Variants in ANKRD17 observed in about 807,000 individuals in gnomAD.
The protein encoded by ANKRD17 is ankyrin repeat domain 17, also known as ankyrin repeat domain-containing protein 17.
Under a neutral mutation model 229.7 loss-of-function variants are expected in ANKRD17, and 19 were observed. That is an observed-to-expected ratio of 0.08 (90% confidence interval 0.06 to 0.12). The LOEUF is 0.12. Ranked by LOEUF, ANKRD17 falls within the 10% of genes least tolerant of loss-of-function variation. The pLI, the probability that ANKRD17 is intolerant of heterozygous loss-of-function variation, is 1.00. For synonymous variants in ANKRD17, 1,112 were observed against 1,146.1 expected (o/e 0.97, Z 0.60); for missense variants, 2,176 against 3,176.8 (o/e 0.68, Z 7.57).
chr4:73,169,503 T>C (rs956706525), intron 2 of ANKRD17, among the ~76,000 whole-genome samples: 2 of 151,640 alleles, frequency 1.3e-5, no homozygotes, highest in African/African-American at 4.8e-5. Context: ...GCTTCACCAC[T>C]GAGATAGATG....
In ANKRD17 at chr4:73,184,120, A is replaced by G. The variant is rs1455588806; in HGVS notation, c.394-6587T>C. On this transcript the variant is annotated intron_variant, in intron 1 of 33. Coordinates refer to ENST00000358602, the MANE Select transcript of ANKRD17 (RefSeq NM_032217.5). ...TGCGGGGTCATTTGGACCAACTGTC[A>G]TCGTTAGCATTACATTTCAAACTAC... 2.0e-5 allele frequency among the ~76,000 whole-genome samples: 3 copies of G among 152,238 alleles called. No individual in the cohort carries two copies. The East Asian group carries it at 5.8e-4, about 29-fold the overall frequency.
In ANKRD17 at chr4:73,140,407, G is replaced by A. The variant is rs1729450076; in HGVS notation, c.2333-124C>T. ...AATCATATCCATAACAGGTGAAAAT[G>A]CACTGTTAAAAAATTAAAAACAAAT... On this transcript the variant is annotated intron_variant, in intron 14 of 33. Coordinates refer to ENST00000358602, the MANE Select transcript of ANKRD17 (RefSeq NM_032217.5). 4 of 943,520 alleles carry A rather than the reference G, an allele frequency of 4.2e-6. No homozygotes were observed. In the South Asian group the frequency reaches 1.0e-4, roughly 24 times the overall value. The allele number at this position is 943,520 out of a possible 1,614,324, so 58.4% of individuals were successfully genotyped here.
intron 7 of ANKRD17, among the ~76,000 whole-genome samples, chr4:73,150,527 A>G (rs1250170400): frequency 1.3e-5 from 2 of 152,208 alleles, no homozygotes; most frequent in African/African-American, 2.4e-5. Context: ...AAAAGCTTAG[A>G]AAAACTTTTA....
intron 1 of ANKRD17, among the ~76,000 whole-genome samples, chr4:73,187,138 T>G (rs576679573): frequency 6.6e-5 from 10 of 152,180 alleles, no homozygotes; most frequent in Non-Finnish European, 1.2e-4. Flanking sequence ...CTAGAAGATA[T>G]CTGTGCAATT....
At chr4:73,153,739 C>T in intron 6 of ANKRD17, 141 bp downstream of exon 6, 1 of 519,748 alleles carries the variant, frequency 1.9e-6, no homozygotes, top group Non-Finnish European at 3.1e-6. Context: ...CAAACTGCAA[C>T]ACTGCAAACA....
chr4:73,090,518 C>T (rs985661783), intron 29 of ANKRD17, 149 bp downstream of exon 29: 7 of 992,278 alleles, frequency 7.1e-6, no homozygotes, highest in Non-Finnish European at 1.0e-5. Context: ...TAACACCATA[C>T]TAAACACAAA....
intron 11 of ANKRD17, among the ~76,000 whole-genome samples, chr4:73,144,180 A>T (rs903971713): frequency 1.5e-4 from 23 of 152,224 alleles, no homozygotes; most frequent in African/African-American, 5.3e-4. Context: ...TAAAGAAAGT[A>T]ATAATATACT....
intron 1 of ANKRD17, among the ~76,000 whole-genome samples, chr4:73,237,185 T>A (rs896769606): frequency 3.3e-5 from 5 of 152,178 alleles, no homozygotes; most frequent in Admixed American, 1.3e-4. Context: ...AATCTTAACA[T>A]TCTAGGTTGC....
intron 1 of ANKRD17, among the ~76,000 whole-genome samples, chr4:73,231,633 T>G (rs755946568): frequency 6.6e-6 from 1 of 152,212 alleles, no homozygotes; most frequent in Non-Finnish European, 1.5e-5. Context: ...CTATAATCCT[T>G]AGAATCTTCA....
chr4:73,207,259 TATA>T (rs1156905583), intron 1 of ANKRD17, among the ~76,000 whole-genome samples: 1 of 152,108 alleles, frequency 6.6e-6, no homozygotes, highest in African/African-American at 2.4e-5. Flanking sequence ...CAAAAATATA[TATA>T]ATATTTGTCA....
chr4:73,146,578 A>G (rs998232591), intron 10 of ANKRD17, among the ~76,000 whole-genome samples, 186 bp downstream of exon 10: 1 of 152,092 alleles, frequency 6.6e-6, no homozygotes, highest in Non-Finnish European at 1.5e-5. Flanking sequence ...GAATAACCCT[A>G]TTAAGGATGG....
At chr4:73,161,447 C>T (rs1170158834) in intron 2 of ANKRD17, 99 bp from the exon 3 acceptor site, 2 of 1,226,196 alleles carry the variant, frequency 1.6e-6, no homozygotes, top group African/African-American at 3.0e-5. Context: ...TAACAAATAA[C>T]CTCCAAATGG....
intron 2 of ANKRD17, among the ~76,000 whole-genome samples, chr4:73,171,173 A>AGGGG (rs765362233): frequency 3.1e-5 from 2 of 64,216 alleles, no homozygotes. Context: ...CATGGCTCAG[A>AGGGG]GGGGGGAGAG....
At position 73,083,951 on chromosome 4, in the gene ANKRD17, A is replaced by AC. The variant is rs200834316; in HGVS notation, c.7159+1297_7159+1298insG. ...TAGTTAAAAAAAAAAACAAAACAAA[A>AC]AAAAAAAAACCGAAGTCTTACTATA... On this transcript the variant is annotated intron_variant, in intron 30 of 33. Transcript: ENST00000358602. Among the ~76,000 whole-genome samples, 81 of 152,080 alleles carry AC rather than the reference A, an allele frequency of 5.3e-4. 1 individual carries two copies. Among genetic ancestry groups the AC allele is most frequent in the African/African-American group, 7.2e-4 (30 of 41,494 alleles).
chr4:73,106,864 T>G (rs1274023305), intron 24 of ANKRD17, among the ~76,000 whole-genome samples: 13 of 106,174 alleles, frequency 1.2e-4, no homozygotes, highest in Middle Eastern at 7.0e-3. Flanking sequence ...GGCAATGGAG[T>G]GAGACTCCGT....
At chr4:73,147,848 T>C (rs1730492649) in intron 8 of ANKRD17, among the ~76,000 whole-genome samples, 1 of 151,794 alleles carries the variant, frequency 6.6e-6, no homozygotes. Flanking sequence ...ATTTAGGTAT[T>C]ATTATTATTA....
At chr4:73,169,039 T>C (rs935019494) in intron 2 of ANKRD17, 1 of 152,236 alleles carries the variant, frequency 6.6e-6, no homozygotes, top group Non-Finnish European at 1.5e-5. Context: ...TTTGTTTTTT[T>C]GTTCCTGCGT....
chr4:73,249,412 G>C, intron 1 of ANKRD17, among the ~76,000 whole-genome samples: 1 of 152,164 alleles, frequency 6.6e-6, no homozygotes, highest in Admixed American at 6.5e-5. Context: ...TTCCATAAAT[G>C]TGCCATTTCT....
At chr4:73,162,340 G>C (rs537453079) in intron 2 of ANKRD17, among the ~76,000 whole-genome samples, 1 of 152,080 alleles carries the variant, frequency 6.6e-6, no homozygotes, top group African/African-American at 2.4e-5. Context: ...GTGAGCCACC[G>C]CAGCAGGACA....
Sources: gnomAD v4.1 joint callset for allele counts (sites outside exome capture counted in the v4.1 genomes callset) on GRCh38, gnomAD v4.1.1 for gene constraint, MANE v1.5 for transcripts, NCBI Gene and HGNC (gene_info 2026-07-23, HGNC 2026-07-21) for gene names.